The following GNAI1 variants were observed in gnomAD, a reference collection of about 807,000 sequenced individuals.
The protein encoded by GNAI1 is G protein subunit alpha i1, also known as guanine nucleotide-binding protein G(i) subunit alpha-1.
In GNAI1, 11 loss-of-function variants were observed where a neutral mutation model predicts 38.9. That is an observed-to-expected ratio of 0.28 (90% CI 0.18 to 0.47). The LOEUF is 0.47. Ranked by LOEUF, GNAI1 falls within the 20% of genes least tolerant of loss-of-function variation. GNAI1 has a pLI of 0.99. For synonymous variants in GNAI1, 166 were observed against 145.1 expected, an observed-to-expected ratio of 1.14 and a Z score of -1.04; for missense variants, 317 against 436.9, an observed-to-expected ratio of 0.73 and a Z score of 2.45.
chr7:80,189,598 G>A (rs1788445540), intron 3 of GNAI1, among the ~76,000 whole-genome samples: 2 of 152,188 alleles, frequency 1.3e-5, no homozygotes, highest in South Asian at 4.1e-4. Context: ...TTGGAATACT[G>A]AAGTGATCTA....
intron 1 of GNAI1, among the ~76,000 whole-genome samples, chr7:80,165,958 C>T (rs1034443036): frequency 5.3e-5 from 8 of 152,072 alleles, no homozygotes; most frequent in Non-Finnish European, 1.2e-4. Flanking sequence ...AAACCTTGGA[C>T]TCCTAGATCT....
chr7:80,163,881 C>A (rs1311769000), intron 1 of GNAI1, among the ~76,000 whole-genome samples: 2 of 151,820 alleles, frequency 1.3e-5, no homozygotes, highest in African/African-American at 2.4e-5. Context: ...ATGGTCCATG[C>A]CTTTTTTCTT....
At chr7:80,201,436 G>GC (rs1469103778) in intron 4 of GNAI1, among the ~76,000 whole-genome samples, 1 of 152,144 alleles carries the variant, frequency 6.6e-6, no homozygotes, top group Non-Finnish European at 1.5e-5. Context: ...AGAAACATAG[G>GC]CCGGGCATTG....
chr7:80,160,622 T>G (rs115899132), intron 1 of GNAI1, among the ~76,000 whole-genome samples: 430 of 152,288 alleles, frequency 2.8e-3, no homozygotes, highest in African/African-American at 9.6e-3. Flanking sequence ...AATCAAATTC[T>G]TCATTTTAAG....
chr7:80,155,303 T>C (rs1787799127), intron 1 of GNAI1, among the ~76,000 whole-genome samples: 1 of 152,200 alleles, frequency 6.6e-6, no homozygotes, highest in South Asian at 2.1e-4. Flanking sequence ...TTGAATTGTT[T>C]TTTTCTTACA....
At chr7:80,146,053 C>A (rs1234370171) in intron 1 of GNAI1, among the ~76,000 whole-genome samples, 1 of 152,186 alleles carries the variant, frequency 6.6e-6, no homozygotes, top group Non-Finnish European at 1.5e-5. Flanking sequence ...GGCATTCCCT[C>A]TGCTTAGCCA....
chr7:80,176,978 C>T (rs1252033672), intron 1 of GNAI1, among the ~76,000 whole-genome samples: 2 of 148,286 alleles, frequency 1.3e-5, no homozygotes, highest in African/African-American at 2.5e-5. Context: ...GTCTGCTGTG[C>T]CTGTGCTCTG....
intron 1 of GNAI1, among the ~76,000 whole-genome samples, chr7:80,181,831 T>G (rs972103589): frequency 9.2e-5 from 14 of 151,442 alleles, no homozygotes; most frequent in Admixed American, 6.6e-5. Flanking sequence ...CGTAAATAAT[T>G]AAGTCAGGCT....
chr7:80,211,148 G>A, intron 6 of GNAI1, 50 bp downstream of exon 6: 2 of 1,536,450 alleles, frequency 1.3e-6, no homozygotes, highest in Non-Finnish European at 1.8e-6. Flanking sequence ...AGAGCTGAAG[G>A]TGTTGCCAAG....
chr7:80,164,953 C>T (rs965535274), intron 1 of GNAI1, among the ~76,000 whole-genome samples: 2 of 151,270 alleles, frequency 1.3e-5, no homozygotes, highest in Admixed American at 6.6e-5. Flanking sequence ...TTAGAAAATA[C>T]GCCTATGAGA....
At chr7:80,162,064 G>A (rs1383653035) in intron 1 of GNAI1, among the ~76,000 whole-genome samples, 2 of 152,074 alleles carry the variant, frequency 1.3e-5, no homozygotes, top group Non-Finnish European at 2.9e-5. Flanking sequence ...GGGGCATTTG[G>A]GAGGTAATTG....
At chr7:80,163,156 A>G (rs1350073150) in intron 1 of GNAI1, among the ~76,000 whole-genome samples, 2 of 152,132 alleles carry the variant, frequency 1.3e-5, no homozygotes, top group East Asian at 3.9e-4. Context: ...TCTCTTTTAT[A>G]TAGCATCTGA....
chr7:80,197,466 G>A lies in GNAI1; in HGVS notation c.304-1759G>A, dbSNP rs75913311. Among the ~76,000 whole-genome samples, 180 of 151,980 alleles carry A rather than the reference G, an allele frequency of 1.2e-3. 3 individuals carry two copies. The highest frequency in any genetic ancestry group is 1.8e-3 in the Non-Finnish European group (121 of 67,864). On this transcript the variant is annotated intron_variant, in intron 3 of 7. Transcript: ENST00000649796. ...AACGCTATTGAAATTGAATGAAGACGTCGTAATGAAAGCTCATTTGAAAAC... is the reference window on the plus strand; with the variant it reads ...AACGCTATTGAAATTGAATGAAGACATCGTAATGAAAGCTCATTTGAAAAC...
chr7:80,140,226 C>T (rs568918348), intron 1 of GNAI1, among the ~76,000 whole-genome samples: 18 of 152,112 alleles, frequency 1.2e-4, no homozygotes, highest in Non-Finnish European at 1.9e-4. Context: ...CCTCGTGATC[C>T]GCCTGCCGCG....
At chr7:80,204,592 C>T (rs892977511) in intron 5 of GNAI1, among the ~76,000 whole-genome samples, 2 of 152,114 alleles carry the variant, frequency 1.3e-5, no homozygotes, top group East Asian at 3.9e-4. Flanking sequence ...TTTTCATTTG[C>T]AGAGTCTTGT....
chr7:80,160,896 A>T (rs1787913382), intron 1 of GNAI1, among the ~76,000 whole-genome samples: 1 of 152,184 alleles, frequency 6.6e-6, no homozygotes, highest in Non-Finnish European at 1.5e-5. Flanking sequence ...CTAATGTAAT[A>T]GTTGGCATTG....
chr7:80,208,442 A>C (rs528918333), intron 5 of GNAI1, among the ~76,000 whole-genome samples: 61 of 152,294 alleles, frequency 4.0e-4, no homozygotes, highest in African/African-American at 1.4e-3. Flanking sequence ...TCTGAATTCC[A>C]ACAAACTTAA....
chr7:80,175,554 T>C (rs1468906419), intron 1 of GNAI1, among the ~76,000 whole-genome samples: 3 of 99,106 alleles, frequency 3.0e-5, no homozygotes, highest in Middle Eastern at 5.5e-3. Context: ...AGATACTGCC[T>C]TTTTTTTTTT....
chr7:80,149,309 G>A (rs1300284532), intron 1 of GNAI1, among the ~76,000 whole-genome samples: 1 of 151,984 alleles, frequency 6.6e-6, no homozygotes, highest in African/African-American at 2.4e-5. Context: ...GTACTATGCT[G>A]GAACTGTCAA....
Sources: gnomAD v4.1 joint callset for allele counts (sites outside exome capture counted in the v4.1 genomes callset) on GRCh38, gnomAD v4.1.1 for gene constraint, MANE v1.5 for transcripts, NCBI Gene and HGNC (gene_info 2026-07-23, HGNC 2026-07-21) for gene names.